Variants in NELFA observed in about 807,000 individuals in gnomAD.
NELFA encodes the protein negative elongation factor complex member A.
In NELFA, 35 loss-of-function variants were observed where a neutral mutation model predicts 51.8. The observed-to-expected ratio is 0.68, with a 90% CI of 0.52 to 0.90. NELFA has a LOEUF of 0.90. Among genes scored for constraint, NELFA ranks in the 40% least tolerant of loss-of-function variants. The pLI is 0.00. For missense variants in NELFA, 658 were observed against 746.4 expected (o/e 0.88, Z 1.38); for synonymous variants, 417 against 338.4 (o/e 1.23, Z -2.55).
intron 5 of NELFA, 25 bp from the exon 6 acceptor site, chr4:1,986,208 C>G: frequency 6.4e-6 from 10 of 1,560,846 alleles, no homozygotes; most frequent in Non-Finnish European, 8.7e-6. Flanking sequence ...ACAGCCCTGC[C>G]TTAGTGACGG....
chr4:1,988,000 C>A lies in NELFA; in HGVS notation c.552G>T (p.Glu184Asp). The stretch of plus-strand genomic sequence containing the variant: ...CGCTCCGCTTCAACTGCTGGGCGGT[C>A]TCCGTGGCTGGAAGGAAGAGGTCAC... Reference protein sequence around the residue: ...LRAELLQKSTETAQQLKRSAG... With the variant: ...LRAELLQKSTDTAQQLKRSAG... The change falls in exon 4 of 11, where the codon GAG becomes GAT. Residue 184 changes from glutamate to aspartate, a missense_variant. Transcript: ENST00000382882. 1 of 1,610,368 alleles carries A rather than the reference C, an allele frequency of 6.2e-7. No homozygotes were observed. Among genetic ancestry groups the A allele is most frequent in the Non-Finnish European group, 8.5e-7 (1 of 1,179,666 alleles).
At position 2,008,845 on chromosome 4, in the gene NELFA, C is replaced by G. The variant is rs772766148; in HGVS notation, c.115G>C (p.Asp39His). Residue 39 changes from aspartate to histidine, a missense_variant, in exon 1 of 11, where the codon GAC (aspartate) becomes CAC (histidine). This residue lies in a region of NELFA where 371 missense variants were observed against 448.3 expected (regional missense o/e 0.83). Coordinates refer to ENST00000382882, the MANE Select transcript of NELFA (RefSeq NM_005663.5). ...IASLLTAAVI[D>H]NIRLCFHGLS... ...CCATGGAAGCAGAGACGGATGTTGT[C>G]GATGACCGCGGCCGTGAGCAGGGAC... 2 of 1,608,542 alleles carry G rather than the reference C, an allele frequency of 1.2e-6. No individual in the cohort carries two copies. The highest frequency in any genetic ancestry group is 3.4e-5 in the Admixed American group (2 of 59,124).
chr4:1,997,751 C>CA (rs1240156684), intron 1 of NELFA, among the ~76,000 whole-genome samples: 8 of 152,168 alleles, frequency 5.3e-5, no homozygotes, highest in African/African-American at 1.9e-4. Context: ...GGTTTCCCCC[C>CA]ACTGAAGCAC....
In NELFA at chr4:1,993,725, G is replaced by C. The variant is rs1174624875; in HGVS notation, c.211-2010C>G. On this transcript the variant is annotated intron_variant, in intron 1 of 10. Coordinates refer to ENST00000382882, the MANE Select transcript of NELFA (RefSeq NM_005663.5). ...AAGGCGCTGGTGGATTCCCCGCCTG[G>C]TGGGGGCCCCTTCCAGCTTCATGGA... 2.6e-5 allele frequency among the ~76,000 whole-genome samples: 4 copies of C among 152,114 alleles called. No homozygotes were observed. In the South Asian group the frequency reaches 6.2e-4, roughly 24 times the overall value.
At chr4:2,002,231 AG>A (rs1341439479) in intron 1 of NELFA, among the ~76,000 whole-genome samples, 3 of 152,156 alleles carry the variant, frequency 2.0e-5, no homozygotes, top group African/African-American at 7.2e-5. Flanking sequence ...AAAATAAGAG[AG>A]TACACAAACA....
At chr4:1,986,218 G>T (rs1560860095) in intron 5 of NELFA, 35 bp from the exon 6 acceptor site, 2 of 1,560,584 alleles carry the variant, frequency 1.3e-6, no homozygotes, top group Admixed American at 3.8e-5. Flanking sequence ...CTTAGTGACG[G>T]CACCAGGGCG....
chr4:1,990,383 G>C (rs1560867613), intron 2 of NELFA: 1 of 456,722 alleles, frequency 2.2e-6, no homozygotes. Flanking sequence ...ACGAGGGACA[G>C]GCGACCTCCC....
At chr4:2,006,768 CAAAAAAAAAAA>C (rs57055347) in intron 1 of NELFA, among the ~76,000 whole-genome samples, 2 of 79,756 alleles carry the variant, frequency 2.5e-5, no homozygotes, top group African/African-American at 5.1e-5. Flanking sequence ...GACGCTGTCT[CAAAAAAAAAAA>C]AAAAAAAAAA....
intron 4 of NELFA, 139 bp downstream of exon 4, chr4:1,987,779 C>A: frequency 1.4e-6 from 1 of 719,896 alleles, no homozygotes; most frequent in Non-Finnish European, 2.2e-6. Context: ...CCAGTGCCTT[C>A]GCTTTCCCAC....
At chr4:1,991,386 G>A (rs1728264147) in intron 2 of NELFA, among the ~76,000 whole-genome samples, 158 bp downstream of exon 2, 1 of 152,202 alleles carries the variant, frequency 6.6e-6, no homozygotes, top group Non-Finnish European at 1.5e-5. Flanking sequence ...CCAGGCAGCA[G>A]CTTACGGGGG....
chr4:2,005,920 C>A (rs115216217), intron 1 of NELFA, among the ~76,000 whole-genome samples: 1 of 152,240 alleles, frequency 6.6e-6, no homozygotes, highest in African/African-American at 2.4e-5. Context: ...GAGGACAGCA[C>A]CCCAGAATGA....
intron 3 of NELFA, among the ~76,000 whole-genome samples, chr4:1,988,500 G>A (rs1728178825): frequency 6.6e-6 from 1 of 152,234 alleles, no homozygotes; most frequent in African/African-American, 2.4e-5. Flanking sequence ...AAAGGGGGTG[G>A]GGCCCAAGGG....
intron 1 of NELFA, among the ~76,000 whole-genome samples, chr4:1,993,764 T>C (rs1728346888): frequency 6.7e-6 from 1 of 149,936 alleles, no homozygotes; most frequent in Non-Finnish European, 1.5e-5. Flanking sequence ...TGCCTTTTGC[T>C]GGTGGAAGGT....
intron 7 of NELFA, 105 bp from the exon 8 acceptor site, chr4:1,985,024 G>A (rs987445932): frequency 4.3e-5 from 35 of 809,830 alleles, no homozygotes; most frequent in South Asian, 5.6e-5. Context: ...GTGGCCCCCC[G>A]AGCTAGAGCA....
chr4:1,984,657 C>A (rs1286139376), intron 8 of NELFA, 151 bp downstream of exon 8: 103 of 612,802 alleles, frequency 1.7e-4, no homozygotes, highest in Non-Finnish European at 5.7e-6. Flanking sequence ...AGCTGAACAG[C>A]GGGGCATCTG....
In NELFA at chr4:1,988,549, G is replaced by T. The variant is rs767919587; in HGVS notation, c.545-542C>A. 7.4e-4 allele frequency among the ~76,000 whole-genome samples: 112 copies of T among 152,336 alleles called. 1 individual carries two copies. Among genetic ancestry groups the T allele is most frequent in the Non-Finnish European group, 1.2e-3 (81 of 68,026 alleles). On this transcript the variant is annotated intron_variant, in intron 3 of 10. Transcript: ENST00000382882. ...TTCCTGGGCTACCCAGTGGGCCCGGGGCTGCACGGAGCCTCCCGGACAGCG... is the reference window on the plus strand; with the variant it reads ...TTCCTGGGCTACCCAGTGGGCCCGGTGCTGCACGGAGCCTCCCGGACAGCG...
Position 1,989,964 on chromosome 4 carries a change from G to C in NELFA, c.383-95C>G, listed in dbSNP as rs1165139550. The C allele has an allele frequency of 1.4e-6, 2 of 1,449,798 alleles. No individual in the cohort carries two copies. Among genetic ancestry groups the C allele is most frequent in the South Asian group, 1.3e-5 (1 of 75,452 alleles). The allele number at this position is 1,449,798 out of a possible 1,614,324, so 89.8% of individuals were successfully genotyped here. A position where few individuals can be genotyped will look rare whatever the true frequency, so the allele number is the denominator to read the frequency against. ...GCTGCCCAGCCCCACACCCTCCTCAGTTAGGGTTAGGTCATGGGAGCTTCG... is the reference window on the plus strand; with the variant it reads ...GCTGCCCAGCCCCACACCCTCCTCACTTAGGGTTAGGTCATGGGAGCTTCG... On this transcript the variant is annotated intron_variant, in intron 2 of 10. Coordinates refer to ENST00000382882, the MANE Select transcript of NELFA (RefSeq NM_005663.5). The surrounding 1 kb of genome is among the most constrained non-coding windows in gnomAD (Gnocchi z 4.8).
intron 4 of NELFA, 31 bp from the exon 5 acceptor site, chr4:1,986,433 A>G (rs1435470278): frequency 1.2e-6 from 2 of 1,610,966 alleles, no homozygotes; most frequent in Non-Finnish European, 8.5e-7. Flanking sequence ...GGGCGCCAGC[A>G]GCAGTGACCG....
intron 2 of NELFA, chr4:1,990,408 C>T (rs1194050992): frequency 1.1e-5 from 5 of 456,656 alleles, no homozygotes; most frequent in Admixed American, 9.4e-5. Context: ...GAACTGGCTA[C>T]GTGCCCCACC....
Sources: allele counts gnomAD v4.1 joint callset (sites outside exome capture counted in the v4.1 genomes callset), GRCh38; gene constraint gnomAD v4.1.1; regional missense constraint gnomAD v4.1.1; non-coding constraint Gnocchi (gnomAD v3.1); transcripts MANE v1.5; gene names NCBI Gene and HGNC (gene_info 2026-07-23, HGNC 2026-07-21).